Variants in KIAA1549 observed in about 807,000 individuals in gnomAD.
KIAA1549 encodes the protein KIAA1549.
KIAA1549 carries 70 observed loss-of-function variants against 156.4 expected under a neutral mutation model. The ratio of observed to expected loss-of-function variants is 0.45; its 90% CI spans 0.37 to 0.55. KIAA1549 has a LOEUF of 0.55. Ranked by LOEUF, KIAA1549 falls within the 20% of genes least tolerant of loss-of-function variation. The pLI, the probability that KIAA1549 is intolerant of heterozygous loss-of-function variation, is 0.00. For synonymous variants in KIAA1549, 1,103 were observed against 1,066.4 expected (o/e 1.03, Z -0.67); for missense variants, 2,428 against 2,540.9 (o/e 0.96, Z 0.96).
rs1195508927 is a variant in KIAA1549 at position 138,898,986 on chromosome 7, C to A, written c.3816G>T (p.Leu1272Phe). 1 of 1,613,788 alleles carries A rather than the reference C, an allele frequency of 6.2e-7. No homozygotes were observed. Among genetic ancestry groups the A allele is most frequent in the Admixed American group, 1.7e-5 (1 of 60,022 alleles). The change falls in exon 9 of 20, where the codon TTG (leucine) becomes TTT (phenylalanine). Residue 1272 changes from leucine (L) to phenylalanine (F), a missense_variant. This residue lies in a region of KIAA1549 where 762 missense variants were observed against 901.6 expected (regional missense o/e 0.85). Coordinates refer to ENST00000422774, the MANE Select transcript of KIAA1549 (RefSeq NM_001164665.2). ...KMDLQRAAII[L>F]GYRIQGVIAQ... The stretch of plus-strand genomic sequence containing the variant: ...CAATGACACCTTGAATTCGGTAACC[C>A]AAGATGATGGCTGCTCTCTGGAGGT...
At chr7:138,948,761 C>T (rs1446971926) in intron 1 of KIAA1549, among the ~76,000 whole-genome samples, 1 of 150,486 alleles carries the variant, frequency 6.6e-6, no homozygotes, top group African/African-American at 2.4e-5. Flanking sequence ...GGCGTGATCT[C>T]GGCTCACTGC....
intron 3 of KIAA1549, among the ~76,000 whole-genome samples, chr7:138,911,682 C>A (rs1489187377): frequency 6.6e-6 from 1 of 152,202 alleles, no homozygotes; most frequent in Non-Finnish European, 1.5e-5. Flanking sequence ...CATTAAAAAA[C>A]ATAAGAACAG....
chr7:138,930,156 CTT>C (rs1262601426), intron 1 of KIAA1549, among the ~76,000 whole-genome samples: 2 of 152,154 alleles, frequency 1.3e-5, no homozygotes, highest in African/African-American at 4.8e-5. Context: ...TGAAAGGAAT[CTT>C]TTGTTCTGAG....
chr7:138,878,349 G>A (rs992682434), intron 12 of KIAA1549, among the ~76,000 whole-genome samples: 1 of 152,354 alleles, frequency 6.6e-6, no homozygotes, highest in African/African-American at 2.4e-5. Flanking sequence ...TCAGTGAGAG[G>A]AGAGGCCCCT....
intron 1 of KIAA1549, among the ~76,000 whole-genome samples, chr7:138,967,059 C>G (rs950823875): frequency 3.9e-5 from 6 of 152,228 alleles, no homozygotes; most frequent in African/African-American, 9.6e-5. Context: ...TGCATTTACA[C>G]ATGACACCTA....
chr7:138,878,527 G>A (rs116310077), intron 12 of KIAA1549, among the ~76,000 whole-genome samples: 1,662 of 152,302 alleles, frequency 0.011, 18 homozygotes, highest in African/African-American at 0.037. Context: ...TTGGGAAGGC[G>A]AGGCGGATGG....
chr7:138,881,263 T>C (rs1464704811), intron 11 of KIAA1549, 125 bp downstream of exon 11: 20 of 913,088 alleles, frequency 2.2e-5, no homozygotes, highest in Non-Finnish European at 3.1e-5. Flanking sequence ...GGGCAAGTCA[T>C]CAGTCTGCTG....
chr7:138,919,303 T>A lies in KIAA1549; in HGVS notation c.323A>T (p.His108Leu), dbSNP rs1374983847. 1.2e-6 allele frequency: 2 copies of A among 1,613,874 alleles called. No individual in the cohort carries two copies. Among genetic ancestry groups the A allele is most frequent in the Non-Finnish European group, 1.7e-6 (2 of 1,179,910 alleles). The stretch of plus-strand genomic sequence containing the variant: ...AGTGGCAGACGGCGGGGCTGTGACA[T>A]GGAGAGGACTGCTGTGCTGGGAGCC... ...APGSQHSSPL[H>L]VTAPPSATTF... The change falls in exon 2 of 20, where the codon CAT (histidine) becomes CTT (leucine). Residue 108 changes from histidine (H) to leucine (L), a missense_variant. Coordinates refer to ENST00000422774, the MANE Select transcript of KIAA1549 (RefSeq NM_001164665.2).
rs1304820990 is a variant in KIAA1549 at position 138,948,708 on chromosome 7, T to G, written c.188-29270A>C. Among the ~76,000 whole-genome samples the G allele has an allele frequency of 1.0e-3, 148 of 147,064 alleles. 2 individuals carry two copies. Among genetic ancestry groups the G allele is most frequent in the Non-Finnish European group, 7.4e-4 (50 of 67,192 alleles). ...TTGTTTTGTGGCTTTTTTTTTTTTTTTGAGATAGAGTTTCGCTCTCATTGC... is the reference window on the plus strand; with the variant it reads ...TTGTTTTGTGGCTTTTTTTTTTTTTGTGAGATAGAGTTTCGCTCTCATTGC... On this transcript the variant is annotated intron_variant, in intron 1 of 19. Transcript: ENST00000422774.
At chr7:138,953,767 T>C (rs1184843610) in intron 1 of KIAA1549, among the ~76,000 whole-genome samples, 1 of 152,242 alleles carries the variant, frequency 6.6e-6, no homozygotes. Flanking sequence ...CTATCTTCCA[T>C]ACAATACAAA....
chr7:138,954,192 G>A (rs985436374), intron 1 of KIAA1549, among the ~76,000 whole-genome samples: 22 of 152,170 alleles, frequency 1.4e-4, no homozygotes, highest in Admixed American at 7.9e-4. Flanking sequence ...GAAGCAGAGC[G>A]CATTCGTGCA....
Position 138,834,658 on chromosome 7 carries a change from A to G in KIAA1549, c.*3248T>C, listed in dbSNP as rs1809650342. ...AAATTGGTGAAGGAAGTGAAATTAAAGCAAAATGGGAGTGAGGAAACTGAG... is the reference window on the plus strand; with the variant it reads ...AAATTGGTGAAGGAAGTGAAATTAAGGCAAAATGGGAGTGAGGAAACTGAG... On this transcript the variant is annotated 3_prime_UTR_variant, in exon 20 of 20. Coordinates refer to ENST00000422774, the MANE Select transcript of KIAA1549 (RefSeq NM_001164665.2). 1 of 232,546 alleles carries G rather than the reference A, an allele frequency of 4.3e-6. No individual in the cohort carries two copies. Among genetic ancestry groups the G allele is most frequent in the East Asian group, 6.1e-5 (1 of 16,504 alleles). The allele number at this position is 232,546 out of a possible 1,614,324, so 14.4% of individuals were successfully genotyped here. A position where few individuals can be genotyped will look rare whatever the true frequency, so the allele number is the denominator to read the frequency against.
Position 138,879,624 on chromosome 7 carries a change from A to G in KIAA1549, c.4259T>C (p.Val1420Ala). 2 of 1,558,062 alleles carry G rather than the reference A, an allele frequency of 1.3e-6. No individual in the cohort carries two copies. The highest frequency in any genetic ancestry group is 1.7e-6 in the Non-Finnish European group (2 of 1,151,308). Residue 1420 changes from valine to alanine, a missense_variant, in exon 12 of 20, where the codon GTC becomes GCC. Physicochemically the swap from Val to Ala is moderately conservative, Grantham distance 64. Coordinates refer to ENST00000422774, the MANE Select transcript of KIAA1549 (RefSeq NM_001164665.2). The stretch of plus-strand genomic sequence containing the variant: ...GTCCCTCTCGCTGGACTCTTCACTG[A>G]CCGTAGAGTCAGCATCTGAGGGAGA... ...RVSPSDADST[V>A]SEESSERDAG...
At position 138,957,308 on chromosome 7, in the gene KIAA1549, T is replaced by C. The variant is rs562263390; in HGVS notation, c.187+23775A>G. ...TGCCATGTGAGGCACCACATGGTCCTAATCAAGTGAATGTAGTGAACACAC... is the reference window on the plus strand; with the variant it reads ...TGCCATGTGAGGCACCACATGGTCCCAATCAAGTGAATGTAGTGAACACAC... On this transcript the variant is annotated intron_variant, in intron 1 of 19. Coordinates refer to ENST00000422774, the MANE Select transcript of KIAA1549 (RefSeq NM_001164665.2). Among the ~76,000 whole-genome samples, 10 of 152,260 alleles carry C rather than the reference T, an allele frequency of 6.6e-5. No homozygotes were observed. The South Asian group carries it at 2.1e-3, about 32-fold the overall frequency.
At chr7:138,970,944 C>CA (rs58095050) in intron 1 of KIAA1549, among the ~76,000 whole-genome samples, 152,303 of 152,304 alleles carry the variant, frequency 1, 76,151 homozygotes, top group Middle Eastern at 1. Flanking sequence ...CAGGCCCAAA[C>CA]AGAGAACAAA....
chr7:138,869,724 T>C lies in KIAA1549; in HGVS notation c.4589A>G (p.His1530Arg). 1 of 1,611,816 alleles carries C rather than the reference T, an allele frequency of 6.2e-7. No homozygotes were observed. Among genetic ancestry groups the C allele is most frequent in the Non-Finnish European group, 8.5e-7 (1 of 1,179,812 alleles). Residue 1530 changes from histidine to arginine, a missense_variant, in exon 14 of 20, where the codon CAC becomes CGC. By Grantham distance (29) the His-to-Arg change is conservative. Coordinates refer to ENST00000422774, the MANE Select transcript of KIAA1549 (RefSeq NM_001164665.2). ...GCGCAGGCGGATCTTGTTGCGATGG[T>C]GCTCGATCTCAGACTTGTGCCGCAG... ...TALRHKSEIE[H>R]HRNKIRLRAK...
At chr7:138,903,792 A>AGTGTGTGTGTGTGTGT (rs55745123) in intron 7 of KIAA1549, 56 bp from the exon 8 acceptor site, 1 of 1,160,088 alleles carries the variant, frequency 8.6e-7, no homozygotes, top group Admixed American at 2.5e-5. Flanking sequence ...GTAAAAAAAC[A>AGTGTGTGTGTGTGTGT]GTGTGTGTGT....
chr7:138,973,842 C>T (rs1220028656), intron 1 of KIAA1549, among the ~76,000 whole-genome samples: 1 of 152,194 alleles, frequency 6.6e-6, no homozygotes, highest in Non-Finnish European at 1.5e-5. Context: ...CAAGGTCTCA[C>T]TATGTTACCC....
At chr7:138,980,148 A>C (rs1814503003) in intron 1 of KIAA1549, among the ~76,000 whole-genome samples, 1 of 152,136 alleles carries the variant, frequency 6.6e-6, no homozygotes, top group Non-Finnish European at 1.5e-5. Flanking sequence ...TTCTGTGTGC[A>C]GCAGCTCTCC....
Sources: gnomAD v4.1 joint callset for allele counts (sites outside exome capture counted in the v4.1 genomes callset) on GRCh38, gnomAD v4.1.1 for gene constraint, gnomAD v4.1.1 regional missense constraint, MANE v1.5 for transcripts, NCBI Gene and HGNC (gene_info 2026-07-23, HGNC 2026-07-21) for gene names.